The following SYNGR1 variants were observed in gnomAD, a reference collection of about 807,000 sequenced individuals.
The protein encoded by SYNGR1 is synaptogyrin-1.
In SYNGR1, 14 loss-of-function variants were observed where a neutral mutation model predicts 26.1. That is an observed-to-expected ratio of 0.54 (90% CI 0.35 to 0.84). The LOEUF (loss-of-function observed/expected upper bound fraction) is 0.84, where lower values mean the gene tolerates loss of function less well. Among genes scored for constraint, SYNGR1 ranks in the 40% least tolerant of loss-of-function variants. The pLI, the probability that SYNGR1 is intolerant of heterozygous loss-of-function variation, is 0.01. For synonymous variants in SYNGR1, 141 were observed against 150.1 expected (o/e 0.94, Z 0.44); for missense variants, 319 against 332.9 (o/e 0.96, Z 0.33).
intron 1 of SYNGR1, among the ~76,000 whole-genome samples, chr22:39,360,366 G>C (rs780826285): frequency 6.6e-6 from 1 of 152,106 alleles, no homozygotes; most frequent in African/African-American, 2.4e-5. Flanking sequence ...AGTTGTCACC[G>C]TCTCCAGGGT....
chr22:39,365,781 C>T (rs755369623), intron 1 of SYNGR1, among the ~76,000 whole-genome samples: 2 of 152,014 alleles, frequency 1.3e-5, no homozygotes, highest in African/African-American at 2.4e-5. Flanking sequence ...CTCTGCTCCC[C>T]ATTATCATCA....
intron 3 of SYNGR1, among the ~76,000 whole-genome samples, chr22:39,376,499 A>C (rs1339596827): frequency 6.6e-6 from 1 of 151,938 alleles, no homozygotes; most frequent in Non-Finnish European, 1.5e-5. Flanking sequence ...AATGGTGTTT[A>C]TTATCCCCTT....
At chr22:39,369,600 T>C (rs1387598022) in intron 1 of SYNGR1, among the ~76,000 whole-genome samples, 1 of 152,182 alleles carries the variant, frequency 6.6e-6, no homozygotes, top group East Asian at 1.9e-4. Flanking sequence ...AACACAGGTC[T>C]GGGAATCAGG....
In SYNGR1 at chr22:39,350,302, C is replaced by G. The variant is rs1354615311; in HGVS notation, c.99+193C>G. 1.3e-5 allele frequency among the ~76,000 whole-genome samples: 2 copies of G among 151,894 alleles called. No individual in the cohort carries two copies. The highest frequency in any genetic ancestry group is 2.9e-5 in the Non-Finnish European group (2 of 67,920). ...TTCCCGGGCCCGGGGCGGGCGGGATCCCTGGTGCTCGCGGGAGACGCCGCT... is the reference window on the plus strand; with the variant it reads ...TTCCCGGGCCCGGGGCGGGCGGGATGCCTGGTGCTCGCGGGAGACGCCGCT... On this transcript the variant is annotated intron_variant, in intron 1 of 3. Transcript: ENST00000328933. This position sits in a 1 kb window ranked among gnomAD's most constrained non-coding sequence, Gnocchi z 4.3.
In SYNGR1 at chr22:39,376,182, C is replaced by G. The variant is rs533573074; in HGVS notation, c.468C>G (p.Phe156Leu). ...AARAAIAFSF[F>L]SIFTWAGQAV... is the part of the protein sequence containing the mutation. Reference sequence around the variant, plus strand: ...GGGCCGCCATCGCCTTCTCCTTTTTCTCCATCTTCACCTGGGTGAGTACAG... The same window carrying G: ...GGGCCGCCATCGCCTTCTCCTTTTTGTCCATCTTCACCTGGGTGAGTACAG... The change falls in exon 3 of 4, where the codon TTC becomes TTG. Residue 156 changes from phenylalanine to leucine, a missense_variant. Transcript: ENST00000328933. The G allele has an allele frequency of 6.2e-7, 1 of 1,614,194 alleles. No individual in the cohort carries two copies. The highest frequency in any genetic ancestry group is 8.5e-7 in the Non-Finnish European group (1 of 1,180,044).
At chr22:39,352,973 T>A (rs1923978714) in intron 1 of SYNGR1, among the ~76,000 whole-genome samples, 1 of 152,146 alleles carries the variant, frequency 6.6e-6, no homozygotes, top group Non-Finnish European at 1.5e-5. Flanking sequence ...GCAACTCTAC[T>A]GCCTCGGCCT....
At chr22:39,367,944 C>T (rs1015499246) in intron 1 of SYNGR1, among the ~76,000 whole-genome samples, 10 of 152,090 alleles carry the variant, frequency 6.6e-5, no homozygotes, top group Non-Finnish European at 2.9e-5. Flanking sequence ...CCCACCTCAT[C>T]GTACAAAACC....
rs1925431044 is a variant in SYNGR1, at chr22:39,379,635, AAAAAAAAAAG to A, written c.484-2051_484-2042del. 3.5e-5 allele frequency: 3 copies of A among 84,998 alleles called. No individual in the cohort carries two copies. The South Asian group carries it at 2.1e-3, about 59-fold the overall frequency. 5.3% of individuals were successfully genotyped at this position (84,998 alleles called of 1,614,324 possible). ...GGTGACAGAGCGAGACTCTGTCTCA[AAAAAAAAAAG>A]AAAAAAAAAAAGGAAATGCCCAGTC... On this transcript the variant is annotated intron_variant, in intron 3 of 3. Transcript: ENST00000328933.
At chr22:39,377,303 G>A in intron 3 of SYNGR1, 1 of 985,414 alleles carries the variant, frequency 1.0e-6, no homozygotes, top group Non-Finnish European at 1.2e-6. Flanking sequence ...CCGTGGTTCA[G>A]GCCCTAGTGG....
chr22:39,351,195 G>A (rs1021236342), intron 1 of SYNGR1, among the ~76,000 whole-genome samples: 1 of 152,152 alleles, frequency 6.6e-6, no homozygotes, highest in Non-Finnish European at 1.5e-5. Flanking sequence ...CGTTCCTTGT[G>A]GGCTTAGACT....
rs185957536 is a variant in SYNGR1 at position 39,370,860 on chromosome 22, A to T, written c.100-3456A>T. Among the ~76,000 whole-genome samples the T allele has an allele frequency of 3.1e-3, 469 of 152,040 alleles. 5 individuals are homozygous for T. The highest frequency in any genetic ancestry group is 0.011 in the African/African-American group (441 of 41,486). ...AGTCTCGAACTCCTGACCTCAAGTG[A>T]TCTACCCATCTTGGTCTCCCAAAGT... On this transcript the variant is annotated intron_variant, in intron 1 of 3. Coordinates refer to ENST00000328933, the MANE Select transcript of SYNGR1 (RefSeq NM_004711.5).
chr22:39,356,701 G>A (rs1297128120), intron 1 of SYNGR1, among the ~76,000 whole-genome samples: 2 of 152,216 alleles, frequency 1.3e-5, no homozygotes, highest in Non-Finnish European at 2.9e-5. Flanking sequence ...CAGCTGTCAG[G>A]TGGGAGGGGA....
At chr22:39,368,819 T>C (rs5757642) in intron 1 of SYNGR1, among the ~76,000 whole-genome samples, 105,375 of 152,146 alleles carry the variant, frequency 0.69, 36,992 homozygotes, top group East Asian at 1. Context: ...CCCGGAAGCA[T>C]GTGTCTGTTA....
At position 39,350,081 on chromosome 22, in the gene SYNGR1, C is replaced by T. The variant is rs1256800007; in HGVS notation, c.71C>T (p.Pro24Leu). The T allele has an allele frequency of 2.0e-6, 3 of 1,469,216 alleles. No individual in the cohort carries two copies. Among genetic ancestry groups the T allele is most frequent in the Non-Finnish European group, 2.7e-6 (3 of 1,098,120 alleles). 91.0% of individuals were successfully genotyped at this position (1,469,216 alleles called of 1,614,324 possible). The change falls in exon 1 of 4, where the codon CCG becomes CTG. Residue 24 changes from proline (P) to leucine (L), a missense_variant. Pro to Leu is a moderately conservative substitution (Grantham distance 98, BLOSUM62 -3). Transcript: ENST00000328933. The surrounding 1 kb of genome is among the most constrained non-coding windows in gnomAD (Gnocchi z 4.3). ...GACCCCTACACCCTGGTCCGGCAGC[C>T]GCACACCATCCTGCGCGTCGTGTCT... ...AFDPYTLVRQ[P>L]HTILRVVSWL... is the part of the protein sequence containing the mutation.
chr22:39,378,186 G>T (rs2145633395), intron 3 of SYNGR1: 4 of 1,105,868 alleles, frequency 3.6e-6, no homozygotes, highest in Non-Finnish European at 4.4e-6. Flanking sequence ...ATGTCACAGG[G>T]CTCCTGGTCT....
At position 39,384,623 on chromosome 22, in the gene SYNGR1, C is replaced by T. The variant is rs1463424836; in HGVS notation, c.*2709C>T. The T allele has an allele frequency of 2.5e-6, 1 of 398,802 alleles. No individual in the cohort carries two copies. Among genetic ancestry groups the T allele is most frequent in the Non-Finnish European group, 4.4e-6 (1 of 226,100 alleles). The allele number at this position is 398,802 out of a possible 1,614,324, so 24.7% of individuals were successfully genotyped here. A position where few individuals can be genotyped will look rare whatever the true frequency, so the allele number is the denominator to read the frequency against. The stretch of plus-strand genomic sequence containing the variant: ...TTGGCAGAGGACAGCCCCTGGGGAA[C>T]CCCAGGCCCAACTCTGTCCGGTATC... On this transcript the variant is annotated 3_prime_UTR_variant, in exon 4 of 4. Transcript: ENST00000328933.
intron 3 of SYNGR1, 74 bp downstream of exon 3, chr22:39,376,271 G>T: frequency 6.2e-7 from 1 of 1,610,036 alleles, no homozygotes. Flanking sequence ...GTGGCCTTTC[G>T]CTAGCCTGGG....
In SYNGR1 at chr22:39,374,552, G is replaced by A. The variant is rs534706274; in HGVS notation, c.336G>A (p.Ser112=). 8 of 1,613,006 alleles carry A rather than the reference G, an allele frequency of 5.0e-6. No individual in the cohort carries two copies. The highest frequency in any genetic ancestry group is 1.7e-4 in the Middle Eastern group (1 of 6,060). Residue 112 remains serine, a splice_region_variant and synonymous_variant, in exon 2 of 4, where the codon TCG becomes TCA. Coordinates refer to ENST00000328933, the MANE Select transcript of SYNGR1 (RefSeq NM_004711.5). The part of the protein sequence containing the change: ...KKAVLSDIGV[S]AFWAFLWFVG... Reference sequence around the variant, plus strand: ...CCGTCCTGTCCGACATCGGTGTCTCGGGTGAGCCCCACCCAGCAGGTACCC... The same window carrying A: ...CCGTCCTGTCCGACATCGGTGTCTCAGGTGAGCCCCACCCAGCAGGTACCC...
At position 39,364,160 on chromosome 22, in the gene SYNGR1, C is replaced by T. The variant is rs374004717; in HGVS notation, c.100-10156C>T. 47 of 1,611,364 alleles carry T rather than the reference C, an allele frequency of 2.9e-5. No individual in the cohort carries two copies. The African/African-American group carries it at 2.9e-4, about 10-fold the overall frequency. ...CTGTGCCCTTTTGCACTGCGGGACA[C>T]GGCTCAGGACCAGCAGGCATGCCTC... On this transcript the variant is annotated intron_variant, in intron 1 of 3. Transcript: ENST00000328933.
Sources: allele counts gnomAD v4.1 joint callset (sites outside exome capture counted in the v4.1 genomes callset), GRCh38; gene constraint gnomAD v4.1.1; non-coding constraint Gnocchi (gnomAD v3.1); transcripts MANE v1.5; gene names NCBI Gene and HGNC (gene_info 2026-07-23, HGNC 2026-07-21).